The following STK3 variants were observed in gnomAD, a reference collection of about 807,000 sequenced individuals.
The protein encoded by STK3 is serine/threonine kinase 3, also known as serine/threonine-protein kinase 3.
In STK3, 41 loss-of-function variants were observed where a neutral mutation model predicts 58.0. The observed-to-expected ratio is 0.71, with a 90% CI of 0.55 to 0.92. The LOEUF (loss-of-function observed/expected upper bound fraction) is 0.92. STK3 is among the 40% of genes least tolerant of loss of function. The pLI, the probability that STK3 is intolerant of heterozygous loss-of-function variation, is 0.00. For missense variants in STK3, 479 were observed against 602.7 expected, an observed-to-expected ratio of 0.79 and a Z score of 2.15; for synonymous variants, 170 against 191.0, an observed-to-expected ratio of 0.89 and a Z score of 0.91.
At chr8:98,713,953 C>A in intron 4 of STK3, among the ~76,000 whole-genome samples, 1 of 152,186 alleles carries the variant, frequency 6.6e-6, no homozygotes, top group Non-Finnish European at 1.5e-5. Context: ...GGATTCATCC[C>A]TGGGATGCAA....
At chr8:98,486,881 T>C (rs1217781210) in intron 10 of STK3, among the ~76,000 whole-genome samples, 2 of 152,196 alleles carry the variant, frequency 1.3e-5, no homozygotes, top group Non-Finnish European at 2.9e-5. Flanking sequence ...TCAGTGTCAA[T>C]GCCCTGTCTG....
intron 4 of STK3, among the ~76,000 whole-genome samples, chr8:98,737,858 C>A (rs1828745660): frequency 6.6e-6 from 1 of 152,076 alleles, no homozygotes; most frequent in East Asian, 1.9e-4. Flanking sequence ...TAGGCACCTG[C>A]CAGCACACCC....
At chr8:98,884,162 A>T (rs981564519) in intron 1 of STK3, among the ~76,000 whole-genome samples, 5 of 151,804 alleles carry the variant, frequency 3.3e-5, no homozygotes, top group Non-Finnish European at 5.9e-5. Context: ...GCCATTGATA[A>T]GTTTTGTGCC....
chr8:98,893,911 G>A (rs1587813971), intron 1 of STK3, among the ~76,000 whole-genome samples: 1 of 152,140 alleles, frequency 6.6e-6, no homozygotes, highest in Non-Finnish European at 1.5e-5. Flanking sequence ...ACAGCCTTTC[G>A]GAAAAGTATT....
intron 6 of STK3, among the ~76,000 whole-genome samples, chr8:98,615,120 G>T (rs574023267): frequency 4.0e-5 from 6 of 151,820 alleles, no homozygotes; most frequent in Non-Finnish European, 5.9e-5. Context: ...ATCTGAGAAC[G>T]GGCAGACTAC....
chr8:98,654,219 C>T (rs1430848919), intron 6 of STK3, among the ~76,000 whole-genome samples: 2 of 152,250 alleles, frequency 1.3e-5, no homozygotes, highest in South Asian at 2.1e-4. Flanking sequence ...AGAAACAGAA[C>T]CAAAGACAAA....
intron 6 of STK3, among the ~76,000 whole-genome samples, chr8:98,685,729 CA>C: frequency 1.3e-5 from 2 of 151,654 alleles, no homozygotes; most frequent in Middle Eastern, 3.4e-3. Flanking sequence ...TTAATAGAAT[CA>C]AGGTATCACC....
At chr8:98,378,129 A>C (rs182617523) in intron 2 of STK3, among the ~76,000 whole-genome samples, 1 of 152,170 alleles carries the variant, frequency 6.6e-6, no homozygotes, top group Non-Finnish European at 1.5e-5. Flanking sequence ...TGTTTCACTG[A>C]ACTCATTTAG....
intron 3 of STK3, among the ~76,000 whole-genome samples, chr8:98,764,652 T>C (rs766603087): frequency 6.6e-6 from 1 of 152,244 alleles, no homozygotes; most frequent in Non-Finnish European, 1.5e-5. Flanking sequence ...TCCCTCTGGA[T>C]AGTCTAGTTG....
chr8:98,913,838 A>G (rs1839240499), intron 1 of STK3, among the ~76,000 whole-genome samples: 1 of 152,224 alleles, frequency 6.6e-6, no homozygotes, highest in South Asian at 2.1e-4. Context: ...AGGCTGAGAT[A>G]CCTGGGGTCT....
At chr8:98,878,294 C>A (rs1837637413) in intron 3 of STK3, among the ~76,000 whole-genome samples, 1 of 152,086 alleles carries the variant, frequency 6.6e-6, no homozygotes, top group Non-Finnish European at 1.5e-5. Flanking sequence ...CTCAAGTGAT[C>A]CACCCGCCTC....
intron 3 of STK3, among the ~76,000 whole-genome samples, chr8:98,869,704 T>C (rs1458023502): frequency 6.6e-6 from 1 of 152,036 alleles, no homozygotes; most frequent in Non-Finnish European, 1.5e-5. Context: ...TTTTATTTTA[T>C]TTTTTTAAAA....
chr8:98,649,459 T>C (rs1210222329), intron 6 of STK3, among the ~76,000 whole-genome samples: 2 of 152,192 alleles, frequency 1.3e-5, no homozygotes, highest in South Asian at 2.1e-4. Context: ...TATTCTTCCA[T>C]GTAAGTCTCT....
chr8:98,886,668 AAG>A (rs1447848275), intron 1 of STK3, among the ~76,000 whole-genome samples: 3 of 152,206 alleles, frequency 2.0e-5, no homozygotes, highest in Non-Finnish European at 4.4e-5. Flanking sequence ...TGCCCAGAAA[AAG>A]AGAGAAACAG....
At chr8:98,767,168 G>C in intron 3 of STK3, 75 bp downstream of exon 3, 1 of 1,410,586 alleles carries the variant, frequency 7.1e-7, no homozygotes, top group Non-Finnish European at 9.4e-7. Context: ...GATGATCAAA[G>C]AATAAATTTT....
At chr8:98,906,439 T>C (rs1838904861) in intron 1 of STK3, 1 of 152,310 alleles carries the variant, frequency 6.6e-6, no homozygotes, top group Non-Finnish European at 1.5e-5. Flanking sequence ...GTTCTCATGG[T>C]CTGCAGCGCG....
At chr8:98,913,704 A>G (rs753352336) in intron 1 of STK3, among the ~76,000 whole-genome samples, 5 of 152,276 alleles carry the variant, frequency 3.3e-5, no homozygotes, top group East Asian at 1.9e-4. Context: ...CCACACTGCA[A>G]TGTGACTGAA....
At chr8:98,501,457 T>G (rs1488396096) in intron 10 of STK3, among the ~76,000 whole-genome samples, 2 of 152,336 alleles carry the variant, frequency 1.3e-5, no homozygotes, top group African/African-American at 4.8e-5. Context: ...GCTTTTGGTG[T>G]TTTAGTCATA....
intron 3 of STK3, among the ~76,000 whole-genome samples, chr8:98,869,159 G>A (rs1198477687): frequency 6.6e-6 from 1 of 152,022 alleles, no homozygotes; most frequent in Non-Finnish European, 1.5e-5. Flanking sequence ...GGTGGCTCTT[G>A]CCCGTAGTCC....
Sources: allele counts gnomAD v4.1 joint callset (sites outside exome capture counted in the v4.1 genomes callset), GRCh38; gene constraint gnomAD v4.1.1; transcripts MANE v1.5; gene names NCBI Gene and HGNC (gene_info 2026-07-23, HGNC 2026-07-21).